The following LIMS2 variants were observed in gnomAD, a reference collection of about 807,000 sequenced individuals.
LIMS2 encodes LIM zinc finger domain containing 2, also known as LIM and senescent cell antigen-like-containing domain protein 2.
In LIMS2, 30 loss-of-function variants were observed where a neutral mutation model predicts 45.3. The observed-to-expected ratio is 0.66, with a 90% CI of 0.50 to 0.90. The LOEUF is 0.90. Among genes scored for constraint, LIMS2 ranks in the 40% least tolerant of loss-of-function variants. The pLI, the probability that LIMS2 is intolerant of heterozygous loss-of-function variation, is 0.00. For missense variants in LIMS2, 485 were observed against 468.7 expected (o/e 1.03, Z -0.32); for synonymous variants, 173 against 188.0 (o/e 0.92, Z 0.65).
At chr2:127,648,512 C>T (rs778742312) in intron 4 of LIMS2, among the ~76,000 whole-genome samples, 3 of 152,148 alleles carry the variant, frequency 2.0e-5, no homozygotes, top group Admixed American at 1.3e-4. Flanking sequence ...AGGATGGCTC[C>T]AGCCTCCTCC....
In LIMS2 at chr2:127,664,951, C is replaced by T. The variant is rs72843399; in HGVS notation, c.12-7389G>A. 0.015 allele frequency among the ~76,000 whole-genome samples: 2,213 copies of T among 152,284 alleles called. 26 individuals carry two copies. Among genetic ancestry groups the T allele is most frequent in the Middle Eastern group, 0.085 (25 of 294 alleles). Reference sequence around the variant, plus strand: ...TGGGGCACCCAGACCAGGGCAGAGCCGATCCTCTGGATCTGGCCAACAAAT... The same window carrying T: ...TGGGGCACCCAGACCAGGGCAGAGCTGATCCTCTGGATCTGGCCAACAAAT... On this transcript the variant is annotated intron_variant, in intron 1 of 9. Transcript: ENST00000355119. The surrounding 1 kb of genome is among the most constrained non-coding windows in gnomAD (Gnocchi z 5.5).
In LIMS2 at chr2:127,654,259, C is replaced by A. The variant is rs60387551; in HGVS notation, c.359+165G>T. On this transcript the variant is annotated intron_variant, in intron 4 of 9. Coordinates refer to ENST00000355119, the MANE Select transcript of LIMS2 (RefSeq NM_001161403.3). The stretch of plus-strand genomic sequence containing the variant: ...GGGGCCCTGTAAACTGGGAGCTGGA[C>A]TATCCGCCCCGGGGTGACCTGGAGG... Among the ~76,000 whole-genome samples, 26 of 152,192 alleles carry A rather than the reference C, an allele frequency of 1.7e-4. No homozygotes were observed. In the East Asian group the frequency reaches 4.9e-3, roughly 28 times the overall value.
chr2:127,640,327 C>T lies in LIMS2; in HGVS notation c.754-9G>A, dbSNP rs758844230. On this transcript the variant is annotated splice_polypyrimidine_tract_variant and intron_variant, in intron 7 of 9. Coordinates refer to ENST00000355119, the MANE Select transcript of LIMS2 (RefSeq NM_001161403.3). ...CAGACGTCCCCGAAGAGCTGTGGGC[C>T]GAGCAGGCTGTCAGAGTAGCTGCAG... 5.0e-6 allele frequency: 8 copies of T among 1,612,158 alleles called. No individual in the cohort carries two copies. The highest frequency in any genetic ancestry group is 2.7e-5 in the African/African-American group (2 of 74,884).
In LIMS2 at chr2:127,639,405, A is replaced by C. The variant is rs1228638234; in HGVS notation, c.902T>G (p.Met301Arg). ...GTAGCACCTCTTACACACGGGCTTCATGTCGAACTCCACAAACTTGTTCCT... is the reference window on the plus strand; with the variant it reads ...GTAGCACCTCTTACACACGGGCTTCCTGTCGAACTCCACAAACTTGTTCCT... ...TLKNKFVEFD[M>R]KPVCKRCYEK... The change falls in exon 10 of 10, where the codon ATG (methionine) becomes AGG (arginine). Residue 301 changes from methionine (M) to arginine (R), a missense_variant. Met to Arg is a moderately conservative substitution (Grantham distance 91). Transcript: ENST00000355119. 1 of 1,613,718 alleles carries C rather than the reference A, an allele frequency of 6.2e-7. No individual in the cohort carries two copies.
upstream of LIMS2, among the ~76,000 whole-genome samples, chr2:127,676,715 T>C (rs571461160): frequency 7.3e-4 from 111 of 152,280 alleles, no homozygotes; most frequent in Non-Finnish European, 1.1e-3. Context: ...TTAACTGTAA[T>C]TTGATGGTTG....
intron 1 of LIMS2, among the ~76,000 whole-genome samples, chr2:127,680,898 C>G (rs1033851986): frequency 3.3e-5 from 5 of 152,192 alleles, no homozygotes; most frequent in African/African-American, 7.2e-5. Context: ...ATCATGCCGT[C>G]GAGTATCCAG....
upstream of LIMS2, among the ~76,000 whole-genome samples, chr2:127,678,017 A>G (rs889494562): frequency 2.0e-5 from 3 of 152,258 alleles, no homozygotes; most frequent in African/African-American, 7.2e-5. The surrounding 1 kb of genome is among the most constrained non-coding windows in gnomAD (Gnocchi z 5.3). Context: ...GGATTTGCAC[A>G]TTTCATTATA....
intron 2 of LIMS2, chr2:127,655,793 C>T (rs1159564472): frequency 6.6e-6 from 1 of 152,326 alleles, no homozygotes; most frequent in East Asian, 1.9e-4. Flanking sequence ...CCAGGCGGAC[C>T]ACAGGCCCCA....
chr2:127,658,219 T>C (rs893926450), intron 1 of LIMS2, among the ~76,000 whole-genome samples: 10 of 152,158 alleles, frequency 6.6e-5, no homozygotes, highest in African/African-American at 2.2e-4. Flanking sequence ...CAAGAATCCA[T>C]CTCTAATAAA....
chr2:127,668,396 C>A (rs1685113495), intron 1 of LIMS2, among the ~76,000 whole-genome samples: 1 of 151,868 alleles, frequency 6.6e-6, no homozygotes, highest in African/African-American at 2.4e-5. Context: ...AGGCCAGGTG[C>A]AGTGGCTCAC....
chr2:127,664,480 G>C lies in LIMS2; in HGVS notation c.12-6918C>G. On this transcript the variant is annotated intron_variant, in intron 1 of 9. Coordinates refer to ENST00000355119, the MANE Select transcript of LIMS2 (RefSeq NM_001161403.3). This position sits in a 1 kb window ranked among gnomAD's most constrained non-coding sequence, Gnocchi z 5.5. ...CGGAGGGGAGGCGCGGCCGCCTGGG[G>C]CCAGACACCAAGACGGGACGGGCGT... The C allele has an allele frequency of 8.5e-7, 1 of 1,175,678 alleles. No homozygotes were observed. Among genetic ancestry groups the C allele is most frequent in the Non-Finnish European group, 1.1e-6 (1 of 952,070 alleles). 72.8% of individuals were successfully genotyped at this position (1,175,678 alleles called of 1,614,324 possible). A position where few individuals can be genotyped will look rare whatever the true frequency, so the allele number is the denominator to read the frequency against.
chr2:127,651,506 C>G (rs1461177564), intron 4 of LIMS2: 1 of 1,612,688 alleles, frequency 6.2e-7, no homozygotes, highest in Non-Finnish European at 8.5e-7. Context: ...ACCGCTCCGT[C>G]TACGTGCTGC....
At chr2:127,640,181 AGGCTGCCGCAGGCCCGGCTG>A (rs1237571151) in intron 8 of LIMS2, 36 bp from the exon 9 acceptor site, 104 of 1,612,062 alleles carry the variant, frequency 6.5e-5, no homozygotes, top group Non-Finnish European at 8.3e-5. Context: ...AGGCCTGGCT[AGGCTGCCGCAGGCCCGGCTG>A]GGCTCACAGC....
chr2:127,675,148 G>C lies in LIMS2; in HGVS notation c.-124C>G. On this transcript the variant is annotated 5_prime_UTR_variant, in exon 1 of 10. Coordinates refer to ENST00000355119, the MANE Select transcript of LIMS2 (RefSeq NM_001161403.3). The stretch of plus-strand genomic sequence containing the variant: ...CGGAGCAGGGAGACGCCCAAAAAAG[G>C]CCAAGAGCCGCTCCGCCCGCGAGAG... 1.4e-6 allele frequency: 1 copy of C among 692,350 alleles called. No homozygotes were observed. The allele number at this position is 692,350 out of a possible 1,614,324, so 42.9% of individuals were successfully genotyped here.
At chr2:127,654,739 G>T in intron 3 of LIMS2, 91 bp downstream of exon 3, 1 of 1,488,886 alleles carries the variant, frequency 6.7e-7, no homozygotes. Flanking sequence ...AAAGAGCTGG[G>T]CCAGTTCTGT....
At chr2:127,662,011 A>T (rs1260641744) in intron 1 of LIMS2, among the ~76,000 whole-genome samples, 1 of 152,092 alleles carries the variant, frequency 6.6e-6, no homozygotes, top group African/African-American at 2.4e-5. Context: ...ATCTGGGAAG[A>T]GTTGGGGGCC....
Position 127,664,330 on chromosome 2 carries a change from C to A in LIMS2, c.12-6768G>T. 1.6e-6 allele frequency: 2 copies of A among 1,230,136 alleles called. No individual in the cohort carries two copies. Among genetic ancestry groups the A allele is most frequent in the South Asian group, 3.8e-5 (1 of 26,094 alleles). The allele number at this position is 1,230,136 out of a possible 1,614,324, so 76.2% of individuals were successfully genotyped here. On this transcript the variant is annotated intron_variant, in intron 1 of 9. Transcript: ENST00000355119. The surrounding 1 kb of genome is among the most constrained non-coding windows in gnomAD (Gnocchi z 5.5). ...CCCCGTGGCTGGCGGCGGGCTCTGC[C>A]GGTGCTGGCGCCGCCGGTACAGCCC...
At position 127,639,108 on chromosome 2, in the gene LIMS2, G is replaced by A. The variant is rs774233234; in HGVS notation, c.*173C>T. On this transcript the variant is annotated 3_prime_UTR_variant, in exon 10 of 10. Coordinates refer to ENST00000355119, the MANE Select transcript of LIMS2 (RefSeq NM_001161403.3). ...CAGACAGAAGCCACGGCCAAGGAGA[G>A]GAGAGACATGGGGAAGGCAGAGATG... The A allele has an allele frequency of 4.2e-5, 29 of 696,686 alleles. No homozygotes were observed. The highest frequency in any genetic ancestry group is 6.3e-5 in the Non-Finnish European group (27 of 426,994). 43.2% of individuals were successfully genotyped at this position (696,686 alleles called of 1,614,324 possible).
intron 6 of LIMS2, chr2:127,641,765 G>A: frequency 7.9e-6 from 3 of 380,654 alleles, no homozygotes; most frequent in Non-Finnish European, 1.4e-5. Flanking sequence ...CTGCCCCCAA[G>A]GTTTTCTCCT....
Sources: allele counts gnomAD v4.1 joint callset (sites outside exome capture counted in the v4.1 genomes callset), GRCh38; gene constraint gnomAD v4.1.1; non-coding constraint Gnocchi (gnomAD v3.1); transcripts MANE v1.5; gene names NCBI Gene and HGNC (gene_info 2026-07-23, HGNC 2026-07-21).